Variants in KPNA7 observed in about 807,000 individuals in gnomAD.
KPNA7 encodes the protein karyopherin subunit alpha 7.
In KPNA7, 54 loss-of-function variants were observed where a neutral mutation model predicts 53.7. The observed-to-expected ratio is 1.01, with a 90% CI of 0.81 to 1.26. KPNA7 has a LOEUF of 1.26. Among genes scored for constraint, KPNA7 ranks in the 50% most tolerant of loss-of-function variants. The pLI is 0.00. For synonymous variants in KPNA7, 276 were observed against 259.3 expected (o/e 1.06, Z -0.62); for missense variants, 640 against 644.5 (o/e 0.99, Z 0.07).
In KPNA7 at chr7:99,203,333, T is replaced by C. The variant is rs188563647; in HGVS notation, c.67-93A>G. The C allele has an allele frequency of 1.1e-4, 151 of 1,329,454 alleles. No individual in the cohort carries two copies. The East Asian group carries it at 3.8e-3, about 33-fold the overall frequency. 82.4% of individuals were successfully genotyped at this position (1,329,454 alleles called of 1,614,324 possible). On this transcript the variant is annotated intron_variant, in intron 2 of 10. Transcript: ENST00000327442. ...ATGTTTCAAAGCATCCAATTTCATTTTTACAGATACAATAGGCTGGAAAAG... is the reference window on the plus strand; with the variant it reads ...ATGTTTCAAAGCATCCAATTTCATTCTTACAGATACAATAGGCTGGAAAAG...
the KPNA7 span, among the ~76,000 whole-genome samples, chr7:99,152,690 G>C: frequency 6.6e-6 from 1 of 152,100 alleles, no homozygotes; most frequent in Admixed American, 6.6e-5. Flanking sequence ...TATTTAAAAG[G>C]CTTGAGCAGT....
intron 1 of KPNA7, among the ~76,000 whole-genome samples, chr7:99,219,075 G>T (rs928203697): frequency 1.3e-5 from 2 of 152,242 alleles, no homozygotes; most frequent in African/African-American, 4.8e-5. Flanking sequence ...CACGCCGATG[G>T]TTCTTATGCG....
the KPNA7 span, among the ~76,000 whole-genome samples, chr7:99,148,104 A>G: frequency 6.6e-6 from 1 of 152,180 alleles, no homozygotes; most frequent in Non-Finnish European, 1.5e-5. Flanking sequence ...TGAACTTAAG[A>G]TATATCATCT....
At chr7:99,150,949 G>C in the KPNA7 span, among the ~76,000 whole-genome samples, 1 of 152,144 alleles carries the variant, frequency 6.6e-6, no homozygotes, top group African/African-American at 2.4e-5. Context: ...ATAAAACCAA[G>C]TATGTGGTTC....
intron 1 of KPNA7, among the ~76,000 whole-genome samples, chr7:99,214,452 C>A (rs1258599082): frequency 2.1e-5 from 3 of 145,366 alleles, no homozygotes; most frequent in African/African-American, 5.1e-5. Context: ...CAAAAAAAAA[C>A]AAAAAACAAA....
the KPNA7 span, among the ~76,000 whole-genome samples, chr7:99,159,697 AAT>A: frequency 2.6e-5 from 4 of 152,206 alleles, no homozygotes; most frequent in Non-Finnish European, 5.9e-5. Flanking sequence ...ACATAGCCCC[AAT>A]ATGATGATTA....
chr7:99,169,061 G>A (rs116366405), downstream of KPNA7, among the ~76,000 whole-genome samples: 1,805 of 152,204 alleles, frequency 0.012, 34 homozygotes, highest in African/African-American at 0.042. Flanking sequence ...GGTGGCACAC[G>A]CCTGTAATCC....
rs1370342038 is a variant in KPNA7 at position 99,188,392 on chromosome 7, C to T, written c.808G>A (p.Asp270Asn). The T allele has an allele frequency of 1.2e-5, 19 of 1,551,468 alleles. No homozygotes were observed. Among genetic ancestry groups the T allele is most frequent in the Non-Finnish European group, 1.5e-5 (17 of 1,146,996 alleles). ...TGGCCGATGCGCTTGTTGGAGCCGTCGGTGAGGTAGGACAGTGCCCAGCAG... is the reference window on the plus strand; with the variant it reads ...TGGCCGATGCGCTTGTTGGAGCCGTTGGTGAGGTAGGACAGTGCCCAGCAG... ...DACWALSYLTDGSNKRIGQVV... is the reference protein window; with the variant it reads ...DACWALSYLTNGSNKRIGQVV... Residue 270 changes from aspartate (D) to asparagine (N), a missense_variant, in exon 7 of 11, where the codon GAC (aspartate) becomes AAC (asparagine). By Grantham distance (23) the Asp-to-Asn change is conservative. Coordinates refer to ENST00000327442, the MANE Select transcript of KPNA7 (RefSeq NM_001145715.3).
chr7:99,200,359 C>T (rs892879324), intron 3 of KPNA7, among the ~76,000 whole-genome samples: 2 of 152,148 alleles, frequency 1.3e-5, no homozygotes, highest in Non-Finnish European at 2.9e-5. Context: ...CATCACATTG[C>T]TCTTCTTATA....
rs575296129 is a variant in KPNA7 at position 99,180,743 on chromosome 7, G to A, written c.1317+1140C>T. On this transcript the variant is annotated intron_variant, in intron 9 of 10. Transcript: ENST00000327442. The stretch of plus-strand genomic sequence containing the variant: ...TCCGTCTGTGTCTCTCTCTCTCCCC[G>A]TGTCTCTCTCTCTCTCCCCGTCTGT... Among the ~76,000 whole-genome samples, 95 of 36,112 alleles carry A rather than the reference G, an allele frequency of 2.6e-3. 1 individual carries two copies. Among genetic ancestry groups the A allele is most frequent in the African/African-American group, 0.013 (91 of 7,090 alleles). 23.7% of individuals were successfully genotyped at this position (36,112 alleles called of 152,430 possible). A position where few individuals can be genotyped will look rare whatever the true frequency, so the allele number is the denominator to read the frequency against.
At chr7:99,160,025 T>G in the KPNA7 span, among the ~76,000 whole-genome samples, 3 of 89,342 alleles carry the variant, frequency 3.4e-5, no homozygotes, top group Non-Finnish European at 5.0e-5. Context: ...TTGTTTTTTT[T>G]TTTTTTTTTT....
At chr7:99,173,571 G>A (rs115667667), downstream of KPNA7, 1,701 of 579,644 alleles carry the variant, frequency 2.9e-3, 25 homozygotes, top group African/African-American at 0.029. Flanking sequence ...ATAGAGAAAC[G>A]TGAAAGTGTT....
chr7:99,174,454 C>G lies in KPNA7; in HGVS notation c.1465-660G>C, dbSNP rs151079959. Among the ~76,000 whole-genome samples the G allele has an allele frequency of 4.3e-3, 662 of 152,234 alleles. 4 individuals carry two copies. Among genetic ancestry groups the G allele is most frequent in the African/African-American group, 0.015 (624 of 41,542 alleles). The stretch of plus-strand genomic sequence containing the variant: ...TCATCCCGAAACCATCCCCTCACCC[C>G]CCAGCCTGTGGAAAATTTGTCTTTC... On this transcript the variant is annotated intron_variant, in intron 10 of 10. Coordinates refer to ENST00000327442, the MANE Select transcript of KPNA7 (RefSeq NM_001145715.3).
intron 7 of KPNA7, among the ~76,000 whole-genome samples, chr7:99,188,042 G>A (rs368367501): frequency 1.3e-5 from 2 of 151,222 alleles, no homozygotes; most frequent in Admixed American, 6.6e-5. Flanking sequence ...GGGCGTGGTC[G>A]TTGGCATCTA....
chr7:99,208,433 T>A (rs772840906), upstream of KPNA7, among the ~76,000 whole-genome samples: 5 of 152,110 alleles, frequency 3.3e-5, no homozygotes, highest in African/African-American at 1.2e-4. Context: ...TTTTTTTGTA[T>A]TTTTAGTAGA....
chr7:99,176,736 C>T (rs972366465), intron 10 of KPNA7, among the ~76,000 whole-genome samples: 4 of 151,858 alleles, frequency 2.6e-5, no homozygotes, highest in South Asian at 2.1e-4. Context: ...AGTTAGCTGC[C>T]GGCATGGTGG....
chr7:99,183,563 G>C (rs1048642684), intron 8 of KPNA7, among the ~76,000 whole-genome samples: 1 of 152,158 alleles, frequency 6.6e-6, no homozygotes, highest in Non-Finnish European at 1.5e-5. Flanking sequence ...ATTGGAAGAT[G>C]CTATAATTTG....
intron 2 of KPNA7, among the ~76,000 whole-genome samples, chr7:99,204,993 C>T (rs186953879): frequency 2.0e-4 from 30 of 152,280 alleles, no homozygotes; most frequent in African/African-American, 6.7e-4. Context: ...AACTTTTGTA[C>T]CTTTCTCTCT....
At chr7:99,189,292 T>C (rs1329727652) in intron 6 of KPNA7, among the ~76,000 whole-genome samples, 1 of 151,996 alleles carries the variant, frequency 6.6e-6, no homozygotes, top group East Asian at 1.9e-4. Context: ...CCTTTTATTA[T>C]TAGTTTTAGT....
Sources: gnomAD v4.1 joint callset for allele counts (sites outside exome capture counted in the v4.1 genomes callset) on GRCh38, gnomAD v4.1.1 for gene constraint, MANE v1.5 for transcripts, NCBI Gene and HGNC (gene_info 2026-07-23, HGNC 2026-07-21) for gene names.